The following NMNAT2 variants were observed in gnomAD, a reference collection of about 807,000 sequenced individuals.
NMNAT2 encodes the protein nicotinamide nucleotide adenylyltransferase 2.
A neutral mutation model predicts 41.6 loss-of-function variants in NMNAT2; 11 were observed. That is an observed-to-expected ratio of 0.26 (90% CI 0.17 to 0.44). The LOEUF is 0.44. Ranked by LOEUF, NMNAT2 falls within the 20% of genes least tolerant of loss-of-function variation. The pLI, the probability that NMNAT2 is intolerant of heterozygous loss-of-function variation, is 1.00. For missense variants in NMNAT2, 288 were observed against 407.7 expected, an observed-to-expected ratio of 0.71 and a Z score of 2.53; for synonymous variants, 148 against 151.2, an observed-to-expected ratio of 0.98 and a Z score of 0.16.
intron 3 of NMNAT2, among the ~76,000 whole-genome samples, chr1:183,291,862 G>T (rs973404848): frequency 2.0e-5 from 3 of 152,152 alleles, no homozygotes; most frequent in Admixed American, 2.0e-4. Context: ...ATCTTTAGGG[G>T]GATAAGAAAG....
chr1:183,260,540 G>C (rs992098685), intron 10 of NMNAT2, among the ~76,000 whole-genome samples: 2 of 152,114 alleles, frequency 1.3e-5, no homozygotes, highest in Admixed American at 1.3e-4. Context: ...GGCTGGGGCC[G>C]GGCACAGTGG....
chr1:183,290,454 C>G (rs539549954), intron 3 of NMNAT2, among the ~76,000 whole-genome samples: 2 of 152,280 alleles, frequency 1.3e-5, no homozygotes, highest in South Asian at 4.1e-4. Flanking sequence ...GGGTTTAATT[C>G]CAGCCTCAGC....
chr1:183,375,006 A>C (rs1279532763), intron 1 of NMNAT2, among the ~76,000 whole-genome samples: 1 of 152,194 alleles, frequency 6.6e-6, no homozygotes, highest in Admixed American at 6.5e-5. Context: ...AATGTTTCAA[A>C]AGAGGGAAGC....
chr1:183,258,708 G>C (rs923826053), intron 10 of NMNAT2, among the ~76,000 whole-genome samples: 3 of 152,038 alleles, frequency 2.0e-5, no homozygotes, highest in African/African-American at 7.2e-5. Flanking sequence ...ATCAGTGTTT[G>C]CAATATTTTG....
intron 1 of NMNAT2, among the ~76,000 whole-genome samples, chr1:183,297,981 A>T (rs1007553182): frequency 1.3e-5 from 2 of 152,218 alleles, no homozygotes; most frequent in African/African-American, 4.8e-5. Context: ...GATGCAGAAA[A>T]AGCGTTTGAC....
intron 1 of NMNAT2, among the ~76,000 whole-genome samples, chr1:183,385,456 A>T (rs1452510503): frequency 6.6e-6 from 1 of 152,224 alleles, no homozygotes; most frequent in African/African-American, 2.4e-5. Flanking sequence ...GACAGCAGGC[A>T]CAGGTCTAAT....
At chr1:183,385,717 A>C (rs1230680025) in intron 1 of NMNAT2, among the ~76,000 whole-genome samples, 2 of 152,234 alleles carry the variant, frequency 1.3e-5, no homozygotes, top group Admixed American at 1.3e-4. Context: ...GATGGCAACT[A>C]TCTGAATGTG....
chr1:183,315,002 T>C (rs1662212118), intron 1 of NMNAT2, among the ~76,000 whole-genome samples: 1 of 152,226 alleles, frequency 6.6e-6, no homozygotes, highest in Non-Finnish European at 1.5e-5. Flanking sequence ...AGTCGTACAC[T>C]TTGTATATGC....
chr1:183,332,979 C>T (rs573106368), intron 1 of NMNAT2, among the ~76,000 whole-genome samples: 1 of 152,282 alleles, frequency 6.6e-6, no homozygotes, highest in Non-Finnish European at 1.5e-5. Context: ...CTTAGGATGG[C>T]CTTATGGCTG....
Position 183,307,237 on chromosome 1 carries a change from G to A in NMNAT2, c.86-13444C>T, listed in dbSNP as rs79691444. On this transcript the variant is annotated intron_variant, in intron 1 of 10. Transcript: ENST00000287713. ...TCCGGCTTAGAAAGTCATCTCTAGA[G>A]AGTGAGGGTCTGACTACAACCAGAC... Among the ~76,000 whole-genome samples, 336 of 152,164 alleles carry A rather than the reference G, an allele frequency of 2.2e-3. 7 individuals are homozygous for A. The East Asian group carries it at 0.058, about 26-fold the overall frequency.
chr1:183,253,215 A>G (rs962527094), intron 10 of NMNAT2, among the ~76,000 whole-genome samples: 2 of 148,508 alleles, frequency 1.3e-5, no homozygotes, highest in Admixed American at 1.3e-4. Context: ...AATATAGTAT[A>G]TCTATGTTAT....
chr1:183,261,870 G>T (rs888730118), intron 8 of NMNAT2, among the ~76,000 whole-genome samples: 4 of 152,116 alleles, frequency 2.6e-5, no homozygotes, highest in Admixed American at 1.3e-4. Flanking sequence ...GATGATTAGG[G>T]TCACTTCAGA....
In NMNAT2 at chr1:183,418,153, C is replaced by T. The variant is rs1649307098; in HGVS notation, c.85+30G>A. 6.9e-6 allele frequency: 11 copies of T among 1,594,892 alleles called. No homozygotes were observed. In the East Asian group the frequency reaches 2.2e-4, roughly 32 times the overall value. ...GCCTGGGAAAGGAGAGGAGCGGAAG[C>T]GGCTTCCAGAGGTGGGCGGGAGGAC... On this transcript the variant is annotated intron_variant, in intron 1 of 10. Transcript: ENST00000287713.
intron 1 of NMNAT2, among the ~76,000 whole-genome samples, chr1:183,295,824 T>C (rs1661675603): frequency 6.6e-6 from 1 of 152,184 alleles, no homozygotes; most frequent in South Asian, 2.1e-4. Context: ...AGTTCCTCCA[T>C]GTCTTTTCAT....
chr1:183,316,313 T>C (rs1274110880), intron 1 of NMNAT2, among the ~76,000 whole-genome samples: 1 of 152,172 alleles, frequency 6.6e-6, no homozygotes, highest in Non-Finnish European at 1.5e-5. Flanking sequence ...ACCCAGGGTC[T>C]GTTGCCCCCA....
intron 4 of NMNAT2, among the ~76,000 whole-genome samples, chr1:183,287,638 C>T (rs1214179021): frequency 2.0e-5 from 3 of 152,222 alleles, no homozygotes; most frequent in Non-Finnish European, 4.4e-5. Flanking sequence ...GGGAGAGTAG[C>T]TGTTGGGCAA....
chr1:183,260,829 A>G (rs1660638646), intron 10 of NMNAT2, among the ~76,000 whole-genome samples, 173 bp downstream of exon 10: 1 of 152,010 alleles, frequency 6.6e-6, no homozygotes, highest in South Asian at 2.1e-4. Flanking sequence ...CAAAAAAAAA[A>G]AAAAAAAAAA....
intron 1 of NMNAT2, among the ~76,000 whole-genome samples, chr1:183,400,729 G>C (rs1370766910): frequency 6.6e-6 from 1 of 152,062 alleles, no homozygotes; most frequent in Non-Finnish European, 1.5e-5. Context: ...TAGACCAATG[G>C]AACAGAACAG....
At chr1:183,347,333 G>A (rs187011344) in intron 1 of NMNAT2, among the ~76,000 whole-genome samples, 3 of 152,256 alleles carry the variant, frequency 2.0e-5, no homozygotes, top group Admixed American at 2.0e-4. Context: ...GTGCATGCCT[G>A]TAGTCCCAGC....
Sources: gnomAD v4.1 joint callset for allele counts (sites outside exome capture counted in the v4.1 genomes callset) on GRCh38, gnomAD v4.1.1 for gene constraint, MANE v1.5 for transcripts, NCBI Gene and HGNC (gene_info 2026-07-23, HGNC 2026-07-21) for gene names.